The following TNNI3K variants were observed in gnomAD, a reference collection of about 807,000 sequenced individuals.
TNNI3K encodes TNNI3 interacting kinase, also known as serine/threonine-protein kinase TNNI3K.
In TNNI3K, 140 loss-of-function variants were observed where a neutral mutation model predicts 114.5. That is an observed-to-expected ratio of 1.22 (90% CI 1.07 to 1.41). The LOEUF (loss-of-function observed/expected upper bound fraction) is 1.41, where lower values mean the gene tolerates loss of function less well. Ranked by LOEUF, TNNI3K falls within the 40% of genes most tolerant of loss-of-function variation. The probability of loss-of-function intolerance (pLI) is 0.00; values close to 1 mark genes in which losing one functional copy is unlikely to be tolerated. For synonymous variants in TNNI3K, 347 were observed against 347.5 expected, an observed-to-expected ratio of 1.00 and a Z score of 0.02; for missense variants, 1,125 against 1,007.6, an observed-to-expected ratio of 1.12 and a Z score of -1.58.
At chr1:74,409,863 A>G (rs1486589350) in intron 17 of TNNI3K, among the ~76,000 whole-genome samples, 2 of 151,814 alleles carry the variant, frequency 1.3e-5, no homozygotes, top group Non-Finnish European at 2.9e-5. Context: ...TATATTTTTT[A>G]TTATTATTCT....
intron 17 of TNNI3K, among the ~76,000 whole-genome samples, chr1:74,377,715 C>A (rs759765238): frequency 6.6e-6 from 1 of 151,832 alleles, no homozygotes; most frequent in African/African-American, 2.4e-5. Context: ...ATTTCTGTTT[C>A]GGCTATCTGT....
intron 17 of TNNI3K, among the ~76,000 whole-genome samples, chr1:74,420,778 T>G (rs1302472476): frequency 6.6e-6 from 1 of 152,170 alleles, no homozygotes; most frequent in African/African-American, 2.4e-5. Context: ...TCTTTAAAGT[T>G]GGGAATGTGA....
intron 2 of TNNI3K, among the ~76,000 whole-genome samples, chr1:74,238,952 A>G (rs2100825102): frequency 6.6e-6 from 1 of 152,226 alleles, no homozygotes; most frequent in Admixed American, 6.5e-5. Flanking sequence ...ATGTCTTCCA[A>G]TAACCTGAAT....
intron 21 of TNNI3K, among the ~76,000 whole-genome samples, chr1:74,473,506 A>G (rs1668039318): frequency 6.6e-6 from 1 of 151,476 alleles, no homozygotes; most frequent in Admixed American, 6.6e-5. Flanking sequence ...AAAAATCCTA[A>G]CAGCACTATT....
In TNNI3K at chr1:74,537,633, A is replaced by C. The variant is rs541359358; in HGVS notation, c.2352-2601A>C. On this transcript the variant is annotated intron_variant, in intron 23 of 24. Transcript: ENST00000326637. ...GAGTACTGGCTAACCCCTGTGGGGA[A>C]TCTAAAGATGTCAGACATAATCTCT... 2.6e-5 allele frequency among the ~76,000 whole-genome samples: 4 copies of C among 152,338 alleles called. No homozygotes were observed. The South Asian group carries it at 8.3e-4, about 32-fold the overall frequency.
At chr1:74,367,859 G>GA (rs1337719581) in intron 12 of TNNI3K, 49 bp from the exon 13 acceptor site, 8 of 1,515,386 alleles carry the variant, frequency 5.3e-6, no homozygotes, top group Admixed American at 2.2e-5. Flanking sequence ...CTTTTATGTA[G>GA]AAAAAAATGA....
intron 16 of TNNI3K, 181 bp downstream of exon 16, chr1:74,369,766 A>T (rs1258076206): frequency 1.5e-6 from 1 of 652,520 alleles, no homozygotes; most frequent in African/African-American, 1.9e-5. Context: ...ATGAATAGAA[A>T]TACTTTATGC....
At chr1:74,278,599 T>C (rs970907068) in intron 5 of TNNI3K, among the ~76,000 whole-genome samples, 3 of 152,208 alleles carry the variant, frequency 2.0e-5, no homozygotes, top group African/African-American at 7.2e-5. Flanking sequence ...TTTAATAGCT[T>C]TGTTGAGATA....
chr1:74,422,127 C>T (rs532587078), intron 17 of TNNI3K, among the ~76,000 whole-genome samples: 1 of 151,910 alleles, frequency 6.6e-6, no homozygotes, highest in Non-Finnish European at 1.5e-5. Context: ...ATACCTTCTA[C>T]AAGAGTTAAT....
At chr1:74,363,752 A>T (rs1662102694) in intron 11 of TNNI3K, among the ~76,000 whole-genome samples, 1 of 151,896 alleles carries the variant, frequency 6.6e-6, no homozygotes, top group Admixed American at 6.6e-5. Context: ...TTATTCCCCC[A>T]AGAAGTGTCT....
chr1:74,304,651 C>G (rs1294581971), intron 5 of TNNI3K, among the ~76,000 whole-genome samples: 6 of 151,938 alleles, frequency 3.9e-5, no homozygotes, highest in Admixed American at 3.9e-4. Flanking sequence ...CACTATGTTT[C>G]CCGGGCTTGT....
chr1:74,261,737 A>T (rs561400996), intron 4 of TNNI3K, among the ~76,000 whole-genome samples: 1 of 152,304 alleles, frequency 6.6e-6, no homozygotes, highest in East Asian at 1.9e-4. Context: ...TTCTTTAGTG[A>T]GAAAGAAGTA....
chr1:74,238,744 A>G (rs191818965), intron 2 of TNNI3K, among the ~76,000 whole-genome samples: 3 of 152,178 alleles, frequency 2.0e-5, no homozygotes, highest in Admixed American at 2.0e-4. Flanking sequence ...AGAAAGACCA[A>G]TAGCCTGATG....
At chr1:74,539,820 TA>T (rs1646704291) in intron 23 of TNNI3K, among the ~76,000 whole-genome samples, 1 of 151,978 alleles carries the variant, frequency 6.6e-6, no homozygotes, top group African/African-American at 2.4e-5. Flanking sequence ...CTTATTATCA[TA>T]AAAATAATAT....
intron 17 of TNNI3K, chr1:74,418,079 C>A: frequency 2.5e-6 from 1 of 394,542 alleles, no homozygotes; most frequent in Non-Finnish European, 5.0e-6. Context: ...TACATTCAAG[C>A]AATGGAAATA....
At chr1:74,267,260 C>T (rs915764398) in intron 4 of TNNI3K, among the ~76,000 whole-genome samples, 10 of 151,832 alleles carry the variant, frequency 6.6e-5, no homozygotes, top group African/African-American at 2.4e-4. Flanking sequence ...AAATTTTTTC[C>T]AGGAGGTGTG....
At position 74,256,279 on chromosome 1, in the gene TNNI3K, C is replaced by T. The variant is rs916382501; in HGVS notation, c.333+5510C>T. 1.7e-3 allele frequency among the ~76,000 whole-genome samples: 162 copies of T among 96,900 alleles called. 1 individual carries two copies. Among genetic ancestry groups the T allele is most frequent in the African/African-American group, 6.0e-3 (156 of 26,026 alleles). The allele number at this position is 96,900 out of a possible 152,430, so 63.6% of individuals were successfully genotyped here. A position where few individuals can be genotyped will look rare whatever the true frequency, so the allele number is the denominator to read the frequency against. Reference sequence around the variant, plus strand: ...CATCCTTTCCGGCACTTGGTGTGGTCAGTCTTTTTTTTTTTTTTTTTTTTT... The same window carrying T: ...CATCCTTTCCGGCACTTGGTGTGGTTAGTCTTTTTTTTTTTTTTTTTTTTT... On this transcript the variant is annotated intron_variant, in intron 4 of 24. Coordinates refer to ENST00000326637, the MANE Select transcript of TNNI3K (RefSeq NM_015978.3).
At chr1:74,490,974 A>G (rs1043399496) in intron 22 of TNNI3K, among the ~76,000 whole-genome samples, 17 of 152,374 alleles carry the variant, frequency 1.1e-4, no homozygotes, top group African/African-American at 3.6e-4. Context: ...ATTGGGAGTT[A>G]AAATATAAAG....
intron 17 of TNNI3K, chr1:74,378,593 T>TA (rs1663025276): frequency 2.0e-5 from 2 of 99,596 alleles, no homozygotes; most frequent in African/African-American, 4.1e-5. Flanking sequence ...TCAGTTTAAT[T>TA]TTATATATAT....
Sources: gnomAD v4.1 joint callset for allele counts (sites outside exome capture counted in the v4.1 genomes callset) on GRCh38, gnomAD v4.1.1 for gene constraint, MANE v1.5 for transcripts, NCBI Gene and HGNC (gene_info 2026-07-23, HGNC 2026-07-21) for gene names.